The following B3GLCT variants were observed in gnomAD, a reference collection of about 807,000 sequenced individuals.
B3GLCT encodes beta-1,3-glucosyltransferase.
Under a neutral mutation model 63.4 loss-of-function variants are expected in B3GLCT, and 65 were observed. That is an observed-to-expected ratio of 1.03 (90% CI 0.84 to 1.26). The LOEUF (loss-of-function observed/expected upper bound fraction) is 1.26, where lower values mean the gene tolerates loss of function less well. Among genes scored for constraint, B3GLCT ranks in the 50% most tolerant of loss-of-function variants. The probability of loss-of-function intolerance (pLI) is 0.00; values close to 1 mark genes in which losing one functional copy is unlikely to be tolerated. For missense variants in B3GLCT, 577 were observed against 604.8 expected, an observed-to-expected ratio of 0.95 and a Z score of 0.48; for synonymous variants, 233 against 219.2, an observed-to-expected ratio of 1.06 and a Z score of -0.55.
At chr13:31,295,676 G>C (rs550443971) in intron 12 of B3GLCT, among the ~76,000 whole-genome samples, 1 of 152,160 alleles carries the variant, frequency 6.6e-6, no homozygotes, top group Admixed American at 6.5e-5. Flanking sequence ...CACCAAGCTC[G>C]AGCATCCCAG....
chr13:31,247,091 GT>G lies in B3GLCT; in HGVS notation c.341del (p.Leu114TyrfsTer6). The G allele has an allele frequency of 6.2e-7, 1 of 1,612,464 alleles. No homozygotes were observed. The highest frequency in any genetic ancestry group is 8.5e-7 in the Non-Finnish European group (1 of 1,179,012). On this transcript the variant is annotated frameshift_variant, in exon 5 of 15. Transcript: ENST00000343307. LOFTEE classifies it high-confidence loss of function. ...AAGGTGCATGGACCATACTTCCGTT[GT>G]TACCGCAGTACGTTTGTTTAACTCA... is the stretch of plus-strand genomic sequence containing the variant. ...QEGAWTILPL[L>X]PHFSVTYSRN...
chr13:31,318,642 A>G (rs1252289156), intron 13 of B3GLCT, among the ~76,000 whole-genome samples: 1 of 152,146 alleles, frequency 6.6e-6, no homozygotes, highest in Non-Finnish European at 1.5e-5. Flanking sequence ...GAGGCCTTTG[A>G]AAAGACACTA....
chr13:31,209,665 C>T (rs1035773985), intron 1 of B3GLCT, among the ~76,000 whole-genome samples: 11 of 152,178 alleles, frequency 7.2e-5, no homozygotes, highest in Non-Finnish European at 1.2e-4. Context: ...ACCACCTAGA[C>T]ACTTCCCAGA....
In B3GLCT at chr13:31,328,663, A is replaced by T. The variant is rs1311931053; in HGVS notation, c.1330-838A>T. Among the ~76,000 whole-genome samples the T allele has an allele frequency of 2.4e-5, 3 of 127,020 alleles. No individual in the cohort carries two copies. The Admixed American group carries it at 3.0e-4, about 13-fold the overall frequency. 83.3% of individuals were successfully genotyped at this position (127,020 alleles called of 152,430 possible). On this transcript the variant is annotated intron_variant, in intron 14 of 14. Coordinates refer to ENST00000343307, the MANE Select transcript of B3GLCT (RefSeq NM_194318.4). ...AGCTGAGATTGCCCCACTGCACTCCAGCCTGGGCAGCAGAGTGAAACTCCA... is the reference window on the plus strand; with the variant it reads ...AGCTGAGATTGCCCCACTGCACTCCTGCCTGGGCAGCAGAGTGAAACTCCA...
chr13:31,317,892 T>C (rs1052952822), intron 13 of B3GLCT, among the ~76,000 whole-genome samples: 5 of 102,038 alleles, frequency 4.9e-5, no homozygotes, highest in Non-Finnish European at 1.1e-4. Flanking sequence ...AGAAATGATA[T>C]AAAAAAGTAT....
At chr13:31,278,389 T>C (rs905889561) in intron 10 of B3GLCT, among the ~76,000 whole-genome samples, 8 of 152,236 alleles carry the variant, frequency 5.3e-5, no homozygotes, top group Admixed American at 5.2e-4. Flanking sequence ...CTTTTCTGTT[T>C]GAATTTTGAG....
At chr13:31,252,264 A>T (rs1397293953) in intron 6 of B3GLCT, among the ~76,000 whole-genome samples, 3 of 152,234 alleles carry the variant, frequency 2.0e-5, no homozygotes, top group Non-Finnish European at 2.9e-5. Context: ...CTGCCAAAAC[A>T]TACCAAATTG....
chr13:31,240,566 G>C (rs1320011198), intron 4 of B3GLCT, among the ~76,000 whole-genome samples: 1 of 150,466 alleles, frequency 6.6e-6, no homozygotes, highest in Non-Finnish European at 1.5e-5. Flanking sequence ...GTGTAAAGAA[G>C]CTTGAGAAAG....
At chr13:31,261,168 A>G in intron 7 of B3GLCT, 86 bp downstream of exon 7, 6 of 1,463,828 alleles carry the variant, frequency 4.1e-6, no homozygotes, top group Non-Finnish European at 5.6e-6. Flanking sequence ...GATGGATCTC[A>G]GGATCTCAAA....
At position 31,260,951 on chromosome 13, in the gene B3GLCT, G is replaced by T. The variant is rs760374280; in HGVS notation, c.465G>T (p.Trp155Cys). Residue 155 changes from tryptophan to cysteine, a missense_variant, in exon 7 of 15, where the codon TGG (tryptophan) becomes TGT (cysteine). Coordinates refer to ENST00000343307, the MANE Select transcript of B3GLCT (RefSeq NM_194318.4). ...GTTATATCTTTATTTAACAGGAATG[G>T]TTTTTGGGAAAAGCATTACATGATG... ...TLRRYDPSKE[W>C]FLGKALHDEE... is the part of the protein sequence containing the mutation. 6.2e-7 allele frequency: 1 copy of T among 1,613,504 alleles called. No homozygotes were observed. The highest frequency in any genetic ancestry group is 8.5e-7 in the Non-Finnish European group (1 of 1,179,482).
intron 3 of B3GLCT, among the ~76,000 whole-genome samples, chr13:31,226,060 C>T (rs970645040): frequency 2.6e-5 from 4 of 152,222 alleles, no homozygotes; most frequent in Non-Finnish European, 5.9e-5. Flanking sequence ...GGTGATCCCA[C>T]TGATCTGCTA....
intron 2 of B3GLCT, 80 bp from the exon 3 acceptor site, chr13:31,222,865 TACCATGC>T: frequency 1.1e-6 from 1 of 898,438 alleles, no homozygotes; most frequent in Non-Finnish European, 1.9e-6. Flanking sequence ...TGCTGATACA[TACCATGC>T]ACCATGCATG....
rs150060602 is a variant in B3GLCT at position 31,280,627 on chromosome 13, T to C, written c.850+3856T>C. On this transcript the variant is annotated intron_variant, in intron 10 of 14. Coordinates refer to ENST00000343307, the MANE Select transcript of B3GLCT (RefSeq NM_194318.4). ...AGGCCGTAGTCACAGCAAGGGAAAA[T>C]ATAGATTGCATTTATTTTTTATACT... Among the ~76,000 whole-genome samples, 3 of 152,326 alleles carry C rather than the reference T, an allele frequency of 2.0e-5. No homozygotes were observed. In the East Asian group the frequency reaches 5.8e-4, roughly 29 times the overall value.
intron 12 of B3GLCT, among the ~76,000 whole-genome samples, chr13:31,314,722 G>A (rs988927371): frequency 6.6e-6 from 1 of 152,210 alleles, no homozygotes; most frequent in South Asian, 2.1e-4. Context: ...GGGACTGTTG[G>A]GAAAGCATGA....
intron 4 of B3GLCT, among the ~76,000 whole-genome samples, chr13:31,229,702 C>T (rs1392078136): frequency 6.6e-6 from 1 of 150,918 alleles, no homozygotes; most frequent in Non-Finnish European, 1.5e-5. Context: ...GCCAAGATCA[C>T]ACTACTGCAC....
chr13:31,265,135 G>A (rs1308611429), intron 7 of B3GLCT, among the ~76,000 whole-genome samples: 1 of 152,210 alleles, frequency 6.6e-6, no homozygotes, highest in East Asian at 1.9e-4. Flanking sequence ...AACTGCATGT[G>A]TGTTCTAATC....
At chr13:31,236,386 G>T (rs1287065807) in intron 4 of B3GLCT, among the ~76,000 whole-genome samples, 1 of 152,050 alleles carries the variant, frequency 6.6e-6, no homozygotes, top group Non-Finnish European at 1.5e-5. Context: ...TGTTGAGTAG[G>T]GGACTTAGAT....
intron 2 of B3GLCT, among the ~76,000 whole-genome samples, chr13:31,216,996 T>A (rs566991105): frequency 3.9e-5 from 6 of 152,342 alleles, no homozygotes; most frequent in Non-Finnish European, 5.9e-5. Context: ...TGAATGGTAG[T>A]TCTATTTTAT....
At chr13:31,256,989 G>C (rs1871776421) in intron 6 of B3GLCT, among the ~76,000 whole-genome samples, 1 of 151,716 alleles carries the variant, frequency 6.6e-6, no homozygotes, top group Non-Finnish European at 1.5e-5. Context: ...GATTATAATT[G>C]TCCTTTTAAT....
Sources: allele counts gnomAD v4.1 joint callset (sites outside exome capture counted in the v4.1 genomes callset), GRCh38; gene constraint gnomAD v4.1.1; transcripts MANE v1.5; gene names NCBI Gene and HGNC (gene_info 2026-07-23, HGNC 2026-07-21).